Variants in CALD1 observed in about 807,000 individuals in gnomAD.
The protein encoded by CALD1 is caldesmon.
A neutral mutation model predicts 99.9 loss-of-function variants in CALD1; 33 were observed. That is an observed-to-expected ratio of 0.33 (90% CI 0.25 to 0.44). The LOEUF (loss-of-function observed/expected upper bound fraction) is 0.44. CALD1 is among the 20% of genes least tolerant of loss of function. The probability of loss-of-function intolerance (pLI) is 1.00; values close to 1 mark genes in which losing one functional copy is unlikely to be tolerated. For synonymous variants in CALD1, 310 were observed against 325.0 expected (o/e 0.95, Z 0.50); for missense variants, 861 against 962.1 (o/e 0.89, Z 1.39).
At chr7:134,775,624 T>C (rs995531108), upstream of CALD1, among the ~76,000 whole-genome samples, 3 of 151,476 alleles carry the variant, frequency 2.0e-5, no homozygotes, top group Non-Finnish European at 4.4e-5. Flanking sequence ...GGCAGTAGAA[T>C]AGCTTGAACC....
chr7:134,809,284 A>G (rs1180469787), intron 1 of CALD1, among the ~76,000 whole-genome samples: 1 of 152,182 alleles, frequency 6.6e-6, no homozygotes, highest in African/African-American at 2.4e-5. Flanking sequence ...TTAATGTAGT[A>G]TTTTGGGCAG....
chr7:134,761,436 G>T (rs1373747047), intron 1 of CALD1, among the ~76,000 whole-genome samples: 1 of 149,938 alleles, frequency 6.7e-6, no homozygotes, highest in African/African-American at 2.4e-5. Context: ...ATTTGCAGTC[G>T]ATTAATTTAA....
intron 1 of CALD1, among the ~76,000 whole-genome samples, chr7:134,756,504 T>C (rs1796731867): frequency 1.3e-5 from 2 of 151,988 alleles, no homozygotes; most frequent in Non-Finnish European, 2.9e-5. Flanking sequence ...AATAAAAATC[T>C]ACTCTATATT....
chr7:134,711,680 A>ATATG, the CALD1 span, among the ~76,000 whole-genome samples: 130 of 109,564 alleles, frequency 1.2e-3, no homozygotes, highest in African/African-American at 4.3e-3. Flanking sequence ...ATATATATAT[A>ATATG]TGTGTGTGTG....
At chr7:134,802,229 A>G (rs1013556945) in intron 1 of CALD1, among the ~76,000 whole-genome samples, 2 of 151,962 alleles carry the variant, frequency 1.3e-5, no homozygotes, top group Non-Finnish European at 2.9e-5. Flanking sequence ...GTCAATTTCC[A>G]TTACCACATT....
intron 7 of CALD1, 133 bp from the exon 8 acceptor site, chr7:134,947,375 C>A: frequency 1.1e-6 from 1 of 889,670 alleles, no homozygotes; most frequent in Non-Finnish European, 1.7e-6. Flanking sequence ...CCTTCCCCAG[C>A]CTACCCCCTG....
the CALD1 span, among the ~76,000 whole-genome samples, chr7:134,724,286 C>T: frequency 2.0e-5 from 3 of 152,150 alleles, no homozygotes; most frequent in Admixed American, 6.5e-5. Context: ...GTTTAGCAAC[C>T]ATCTTCTTGT....
At chr7:134,778,473 T>C (rs1334296053), upstream of CALD1, among the ~76,000 whole-genome samples, 1 of 152,164 alleles carries the variant, frequency 6.6e-6, no homozygotes, top group East Asian at 1.9e-4. Context: ...GTCTCAAACA[T>C]ATAACAATGA....
At chr7:134,850,774 C>T (rs1800043128) in intron 2 of CALD1, among the ~76,000 whole-genome samples, 1 of 152,148 alleles carries the variant, frequency 6.6e-6, no homozygotes, top group Non-Finnish European at 1.5e-5. Context: ...TGTGTACCCA[C>T]TCAAATCTCA....
rs931843849 is a variant in CALD1, at chr7:134,854,076, T to G, written c.-42+10105T>G. Among the ~76,000 whole-genome samples the G allele has an allele frequency of 3.9e-5, 6 of 152,214 alleles. No homozygotes were observed. The South Asian group carries it at 1.2e-3, about 32-fold the overall frequency. On this transcript the variant is annotated intron_variant, in intron 2 of 14. Transcript: ENST00000361675. ...TTATGGTTGCATAGTATTCCATGGT[T>G]TATATGTGCTACATTTTTTTTAATC...
At chr7:134,941,440 T>A (rs1034286354) in intron 7 of CALD1, among the ~76,000 whole-genome samples, 1 of 152,224 alleles carries the variant, frequency 6.6e-6, no homozygotes, top group Non-Finnish European at 1.5e-5. Context: ...CCAGCAGTCA[T>A]CGCTCAGACA....
intron 3 of CALD1, among the ~76,000 whole-genome samples, chr7:134,919,935 T>A (rs1804493515): frequency 6.6e-6 from 1 of 152,216 alleles, no homozygotes; most frequent in African/African-American, 2.4e-5. Flanking sequence ...TTTCTTGATT[T>A]TTTTTCCTCC....
At chr7:134,760,551 A>C (rs1210635687) in intron 1 of CALD1, among the ~76,000 whole-genome samples, 1 of 152,228 alleles carries the variant, frequency 6.6e-6, no homozygotes, top group Non-Finnish European at 1.5e-5. Flanking sequence ...AGTTTAAAGA[A>C]TTGAAAGATT....
chr7:134,963,245 G>T (rs141002883), intron 13 of CALD1, among the ~76,000 whole-genome samples: 1 of 152,132 alleles, frequency 6.6e-6, no homozygotes. Context: ...CACCTACGCT[G>T]GCAAATGTAG....
chr7:134,738,599 G>C, the CALD1 span, among the ~76,000 whole-genome samples: 2 of 152,042 alleles, frequency 1.3e-5, no homozygotes, highest in African/African-American at 4.8e-5. Context: ...TTGATTGTTC[G>C]CTGTTGAAAA....
chr7:134,858,075 CT>C (rs5887709), intron 2 of CALD1, among the ~76,000 whole-genome samples: 115 of 146,720 alleles, frequency 7.8e-4, no homozygotes, highest in Middle Eastern at 3.5e-3. Flanking sequence ...GAGTTGCTGA[CT>C]TTTTTTTTTT....
At chr7:134,848,018 C>T (rs1418212781) in intron 2 of CALD1, among the ~76,000 whole-genome samples, 1 of 151,996 alleles carries the variant, frequency 6.6e-6, no homozygotes, top group African/African-American at 2.4e-5. Context: ...GGATGCCTAA[C>T]AGGATTAAGT....
intron 3 of CALD1, among the ~76,000 whole-genome samples, chr7:134,888,283 T>C (rs1801975528): frequency 1.3e-5 from 2 of 152,196 alleles, no homozygotes; most frequent in Admixed American, 1.3e-4. Context: ...AAATTCATGA[T>C]ACCTATTATC....
intron 3 of CALD1, among the ~76,000 whole-genome samples, chr7:134,890,705 C>T (rs1411520825): frequency 1.3e-5 from 2 of 152,174 alleles, no homozygotes; most frequent in Non-Finnish European, 2.9e-5. Flanking sequence ...CTTTCCAAGC[C>T]GCTGCTGACC....
Sources: allele counts gnomAD v4.1 joint callset (sites outside exome capture counted in the v4.1 genomes callset), GRCh38; gene constraint gnomAD v4.1.1; transcripts MANE v1.5; gene names NCBI Gene and HGNC (gene_info 2026-07-23, HGNC 2026-07-21).